Variants in TLK1 observed in about 807,000 individuals in gnomAD.
TLK1 encodes serine/threonine-protein kinase tousled-like 1.
TLK1 carries 24 observed loss-of-function variants against 105.3 expected under a neutral mutation model. The observed-to-expected ratio is 0.23, with a 90% confidence interval of 0.17 to 0.32. The LOEUF (loss-of-function observed/expected upper bound fraction) is 0.32, where lower values mean the gene tolerates loss of function less well. Ranked by LOEUF, TLK1 falls within the 10% of genes least tolerant of loss-of-function variation. TLK1 has a pLI of 1.00. For synonymous variants in TLK1, 321 were observed against 310.4 expected (o/e 1.03, Z -0.36); for missense variants, 558 against 910.5 (o/e 0.61, Z 4.98).
intron 1 of TLK1, among the ~76,000 whole-genome samples, chr2:171,191,403 C>A (rs1356171424): frequency 2.6e-5 from 4 of 151,922 alleles, no homozygotes; most frequent in Non-Finnish European, 4.4e-5. Flanking sequence ...ACCCACCACC[C>A]CCCCCTCTAA....
intron 3 of TLK1, among the ~76,000 whole-genome samples, chr2:171,074,626 C>CAAAAAAAAAAAA (rs372844435): frequency 6.7e-5 from 6 of 89,916 alleles, no homozygotes; most frequent in Admixed American, 1.2e-4. Context: ...GACTCTGCCT[C>CAAAAAAAAAAAA]AAAAAAAAAA....
At chr2:171,187,251 G>A (rs997137176) in intron 1 of TLK1, among the ~76,000 whole-genome samples, 1 of 151,580 alleles carries the variant, frequency 6.6e-6, no homozygotes, top group Non-Finnish European at 1.5e-5. Flanking sequence ...TTGCATTTTG[G>A]CATCCACTCC....
intron 20 of TLK1, 121 bp downstream of exon 20, chr2:170,996,532 G>T: frequency 2.8e-6 from 2 of 716,574 alleles, no homozygotes; most frequent in Non-Finnish European, 4.6e-6. Flanking sequence ...GCCCCTGCTG[G>T]ACAGATCCCC....
intron 1 of TLK1, among the ~76,000 whole-genome samples, chr2:171,145,770 A>G (rs1201053659): frequency 6.6e-6 from 1 of 152,230 alleles, no homozygotes; most frequent in Non-Finnish European, 1.5e-5. Flanking sequence ...GTTTCAGAAA[A>G]TAATGTGGAT....
At chr2:171,170,909 G>C (rs1692714389) in intron 1 of TLK1, among the ~76,000 whole-genome samples, 1 of 152,132 alleles carries the variant, frequency 6.6e-6, no homozygotes, top group South Asian at 2.1e-4. Context: ...GTGAAGTGGG[G>C]TAAAGAATAA....
chr2:171,119,979 G>A (rs1237787062), intron 1 of TLK1, among the ~76,000 whole-genome samples: 1 of 152,144 alleles, frequency 6.6e-6, no homozygotes, highest in Non-Finnish European at 1.5e-5. Context: ...AGGTGCAGTG[G>A]CTCATGCCTG....
chr2:171,193,250 G>T (rs1230490024), intron 1 of TLK1, among the ~76,000 whole-genome samples: 3 of 152,124 alleles, frequency 2.0e-5, no homozygotes, highest in Non-Finnish European at 4.4e-5. Context: ...TACTGGGAGA[G>T]AATGAAAGTC....
intron 14 of TLK1, among the ~76,000 whole-genome samples, chr2:171,011,081 T>C (rs1350405627): frequency 6.6e-6 from 1 of 152,184 alleles, no homozygotes; most frequent in Admixed American, 6.5e-5. Context: ...CATAGCTTAT[T>C]GCAACCATGA....
intron 1 of TLK1, among the ~76,000 whole-genome samples, chr2:171,148,922 T>TGTGTGC (rs1272085333): frequency 1.4e-5 from 2 of 147,296 alleles, no homozygotes; most frequent in Non-Finnish European, 3.0e-5. Flanking sequence ...TGTGTGTGTG[T>TGTGTGC]GTGTGCGTGT....
Position 171,145,406 on chromosome 2 carries a change from A to G in TLK1, c.139+14884T>C, listed in dbSNP as rs186677076. ...GGAGTTCGAGGCCAGCCTGGTCAAC[A>G]TGGTGAAACCCTGTCTCTACTAAAA... On this transcript the variant is annotated intron_variant, in intron 1 of 20. Coordinates refer to ENST00000431350, the MANE Select transcript of TLK1 (RefSeq NM_012290.5). Among the ~76,000 whole-genome samples, 7 of 152,238 alleles carry G rather than the reference A, an allele frequency of 4.6e-5. No individual in the cohort carries two copies. In the East Asian group the frequency reaches 1.4e-3, roughly 29 times the overall value.
At chr2:171,189,165 AT>A (rs368305495) in intron 1 of TLK1, among the ~76,000 whole-genome samples, 18,643 of 137,462 alleles carry the variant, frequency 0.14, 1,717 homozygotes, top group African/African-American at 0.34. Flanking sequence ...TGATAGTACA[AT>A]TTTTTTTTTT....
chr2:171,123,051 A>ATACAC (rs1280199892), intron 1 of TLK1, among the ~76,000 whole-genome samples: 2 of 100,934 alleles, frequency 2.0e-5, no homozygotes, highest in Non-Finnish European at 3.7e-5. Flanking sequence ...AAAATAAATA[A>ATACAC]ATAAATACAC....
chr2:171,121,518 G>A (rs142086247), intron 1 of TLK1, among the ~76,000 whole-genome samples: 10 of 152,292 alleles, frequency 6.6e-5, no homozygotes, highest in Admixed American at 3.3e-4. Flanking sequence ...GTGACACAGC[G>A]AGAACCTGTC....
At chr2:171,111,164 A>G (rs1437868146) in intron 2 of TLK1, among the ~76,000 whole-genome samples, 1 of 152,228 alleles carries the variant, frequency 6.6e-6, no homozygotes, top group Non-Finnish European at 1.5e-5. Flanking sequence ...GAGAATATGA[A>G]GAAAGAAAAT....
chr2:171,060,687 GATA>G (rs1303656631), intron 4 of TLK1, among the ~76,000 whole-genome samples: 2 of 152,082 alleles, frequency 1.3e-5, no homozygotes, highest in African/African-American at 4.8e-5. Flanking sequence ...AAGAAAAACA[GATA>G]ATACTTTAAC....
intron 3 of TLK1, among the ~76,000 whole-genome samples, chr2:171,070,971 G>A (rs1407157919): frequency 6.6e-6 from 1 of 152,138 alleles, no homozygotes; most frequent in East Asian, 1.9e-4. Context: ...CATTTTAACT[G>A]GGGTGAGATG....
At chr2:171,105,618 G>A (rs1275690833) in intron 2 of TLK1, among the ~76,000 whole-genome samples, 9 of 152,206 alleles carry the variant, frequency 5.9e-5, no homozygotes, top group Admixed American at 2.0e-4. Flanking sequence ...ACCAGGAGGC[G>A]GAGGCTGCAG....
intron 1 of TLK1, among the ~76,000 whole-genome samples, chr2:171,223,156 A>G (rs1167187533): frequency 6.6e-6 from 1 of 152,158 alleles, no homozygotes; most frequent in Admixed American, 6.5e-5. Context: ...TCTTTTGGCT[A>G]TATACCCAGA....
At chr2:171,158,176 A>G (rs983714958) in intron 1 of TLK1, among the ~76,000 whole-genome samples, 3 of 152,210 alleles carry the variant, frequency 2.0e-5, no homozygotes, top group Non-Finnish European at 4.4e-5. Flanking sequence ...ATAACCCTAG[A>G]GAGGATTAAT....
Sources: gnomAD v4.1 joint callset for allele counts (sites outside exome capture counted in the v4.1 genomes callset) on GRCh38, gnomAD v4.1.1 for gene constraint, MANE v1.5 for transcripts, NCBI Gene and HGNC (gene_info 2026-07-23, HGNC 2026-07-21) for gene names.